The following ZMYND11 variants were observed in gnomAD, a reference collection of about 807,000 sequenced individuals.
The protein encoded by ZMYND11 is zinc finger MYND domain-containing protein 11.
Under a neutral mutation model 84.9 loss-of-function variants are expected in ZMYND11, and 9 were observed. The ratio of observed to expected loss-of-function variants is 0.11; its 90% CI spans 0.06 to 0.18. ZMYND11 has a LOEUF of 0.18. Ranked by LOEUF, ZMYND11 falls within the 10% of genes least tolerant of loss-of-function variation. The pLI is 1.00. For synonymous variants in ZMYND11, 250 were observed against 244.1 expected, an observed-to-expected ratio of 1.02 and a Z score of -0.23; for missense variants, 409 against 761.0, an observed-to-expected ratio of 0.54 and a Z score of 5.44.
intron 2 of ZMYND11, among the ~76,000 whole-genome samples, chr10:196,038 C>T (rs906836440): frequency 1.3e-5 from 2 of 152,260 alleles, no homozygotes; most frequent in East Asian, 3.9e-4. Context: ...TCCCTGATGA[C>T]GTATATCTCA....
Position 236,320 on chromosome 10 carries a change from G to C in ZMYND11, c.439-518G>C, listed in dbSNP as rs1329738593. ...CTAATTAGCTTGCAGGCTAGACTAAGAGTTGGAGTTATTACTGAGTAGATC... is the reference window on the plus strand; with the variant it reads ...CTAATTAGCTTGCAGGCTAGACTAACAGTTGGAGTTATTACTGAGTAGATC... On this transcript the variant is annotated intron_variant, in intron 4 of 14. Coordinates refer to ENST00000381604, the MANE Select transcript of ZMYND11 (RefSeq NM_001370100.5). 2.6e-5 allele frequency among the ~76,000 whole-genome samples: 4 copies of C among 152,350 alleles called. No homozygotes were observed. The East Asian group carries it at 7.7e-4, about 29-fold the overall frequency.
intron 6 of ZMYND11, among the ~76,000 whole-genome samples, chr10:238,109 GATTAGAAAAGTT>G (rs1301014800): frequency 6.6e-6 from 1 of 152,148 alleles, no homozygotes; most frequent in East Asian, 1.9e-4. Flanking sequence ...AAAAAATTAT[GATTAGAAAAGTT>G]AATTATTCTT....
chr10:171,016 A>AAT (rs1315933039), intron 1 of ZMYND11, among the ~76,000 whole-genome samples: 5 of 152,120 alleles, frequency 3.3e-5, no homozygotes, highest in Non-Finnish European at 5.9e-5. Flanking sequence ...AGAAAATCAG[A>AAT]ATAGCTATAT....
chr10:183,199 A>G (rs1034552889), intron 2 of ZMYND11, among the ~76,000 whole-genome samples: 6 of 145,658 alleles, frequency 4.1e-5, no homozygotes, highest in Admixed American at 6.8e-5. Context: ...TTTAATCTCT[A>G]GGTTTCTCTT....
intron 11 of ZMYND11, 60 bp downstream of exon 11, chr10:247,033 A>G: frequency 2.1e-6 from 3 of 1,436,894 alleles, no homozygotes; most frequent in Non-Finnish European, 2.9e-6. Context: ...CAGAAATCTT[A>G]GTGCACACTC....
chr10:246,411 TATG>T (rs1564460207), intron 10 of ZMYND11, among the ~76,000 whole-genome samples: 1 of 152,234 alleles, frequency 6.6e-6, no homozygotes, highest in African/African-American at 2.4e-5. Flanking sequence ...TAAAAGGACT[TATG>T]AAGAATACAG....
chr10:209,592 C>T (rs1401387721), intron 2 of ZMYND11, among the ~76,000 whole-genome samples: 2 of 152,178 alleles, frequency 1.3e-5, no homozygotes, highest in Admixed American at 1.3e-4. Context: ...TGTTTGACTA[C>T]AGTCTCTTAA....
intron 14 of ZMYND11, chr10:249,491 C>A: frequency 1.0e-6 from 1 of 984,708 alleles, no homozygotes; most frequent in Non-Finnish European, 1.2e-6. Flanking sequence ...TCAGATTTCC[C>A]TGCACTTAAC....
At chr10:192,071 G>T (rs971717336) in intron 2 of ZMYND11, among the ~76,000 whole-genome samples, 2 of 152,188 alleles carry the variant, frequency 1.3e-5, no homozygotes, top group Non-Finnish European at 2.9e-5. Flanking sequence ...TAAGTGACTT[G>T]TCCAAAGTTA....
Position 248,492 on chromosome 10 carries a change from G to A in ZMYND11, c.1384G>A (p.Val462Met), listed in dbSNP as rs537691769. 207 of 1,614,154 alleles carry A rather than the reference G, an allele frequency of 1.3e-4. 4 individuals carry two copies. The South Asian group carries it at 2.0e-3, about 16-fold the overall frequency. ...GAGCACCCAGACCACAAACGACGGCGTGTGTCAGAGCATGTGCCATGACAA... is the reference window on the plus strand; with the variant it reads ...GAGCACCCAGACCACAAACGACGGCATGTGTCAGAGCATGTGCCATGACAA... ...HRSTQTTNDGVCQSMCHDKYT... is the reference protein window; with the variant it reads ...HRSTQTTNDGMCQSMCHDKYT... Residue 462 changes from valine to methionine, a missense_variant, in exon 13 of 15, where the codon GTG (valine) becomes ATG (methionine). Physicochemically the swap from Val to Met is conservative, Grantham distance 21 (BLOSUM62 1). This residue lies in a region of ZMYND11 where 141 missense variants were observed against 173.8 expected (regional missense o/e 0.81). Coordinates refer to ENST00000381604, the MANE Select transcript of ZMYND11 (RefSeq NM_001370100.5).
intron 1 of ZMYND11, among the ~76,000 whole-genome samples, chr10:138,419 G>A (rs1046658084): frequency 6.6e-6 from 1 of 152,126 alleles, no homozygotes; most frequent in African/African-American, 2.4e-5. Context: ...ACCCGGCCCT[G>A]TTGGCGTTTT....
intron 6 of ZMYND11, 92 bp from the exon 7 acceptor site, chr10:239,346 T>A: frequency 9.8e-7 from 1 of 1,017,658 alleles, no homozygotes; most frequent in South Asian, 1.5e-5. Context: ...CCTGATGTCA[T>A]CCTAGAAAAG....
chr10:157,041 T>G (rs1408598228), intron 1 of ZMYND11, among the ~76,000 whole-genome samples: 1 of 152,210 alleles, frequency 6.6e-6, no homozygotes, highest in African/African-American at 2.4e-5. Context: ...CAGTTATTTT[T>G]ATGGATAAGC....
chr10:211,080 T>TA (rs1337466082), intron 3 of ZMYND11, among the ~76,000 whole-genome samples: 3 of 151,708 alleles, frequency 2.0e-5, no homozygotes, highest in Admixed American at 1.3e-4. Context: ...TAGTACCAGA[T>TA]ACCCAGGAGG....
At chr10:162,210 C>G (rs1484178693) in intron 1 of ZMYND11, among the ~76,000 whole-genome samples, 1 of 152,132 alleles carries the variant, frequency 6.6e-6, no homozygotes, top group African/African-American at 2.4e-5. Flanking sequence ...AGAACACACA[C>G]AACATTTATT....
chr10:191,055 T>C (rs1940239689), intron 2 of ZMYND11, among the ~76,000 whole-genome samples: 1 of 152,212 alleles, frequency 6.6e-6, no homozygotes, highest in Non-Finnish European at 1.5e-5. Flanking sequence ...TTAATAATAT[T>C]CAGCTGTGTA....
chr10:150,387 A>G (rs1840038340), intron 1 of ZMYND11, among the ~76,000 whole-genome samples: 1 of 152,170 alleles, frequency 6.6e-6, no homozygotes, highest in Non-Finnish European at 1.5e-5. Context: ...TAGATTTTCT[A>G]GTTTATTTGC....
intron 2 of ZMYND11, among the ~76,000 whole-genome samples, chr10:202,746 G>C (rs1943447418): frequency 6.6e-6 from 1 of 152,140 alleles, no homozygotes; most frequent in Non-Finnish European, 1.5e-5. Context: ...AAAGACCAAA[G>C]ATAGAGAACG....
intron 2 of ZMYND11, among the ~76,000 whole-genome samples, chr10:207,234 A>G (rs993344529): frequency 2.6e-5 from 4 of 152,178 alleles, no homozygotes; most frequent in Non-Finnish European, 4.4e-5. Context: ...AATCCAGTCT[A>G]TCACTCATGG....
Sources: gnomAD v4.1 joint callset for allele counts (sites outside exome capture counted in the v4.1 genomes callset) on GRCh38, gnomAD v4.1.1 for gene constraint, gnomAD v4.1.1 regional missense constraint, MANE v1.5 for transcripts, NCBI Gene and HGNC (gene_info 2026-07-23, HGNC 2026-07-21) for gene names.